Variants in ZNF891 observed in about 807,000 individuals in gnomAD.
The protein encoded by ZNF891 is hCG1646157.
For missense variants in ZNF891, 589 were observed against 632.7 expected (o/e 0.93, Z 0.74); for synonymous variants, 199 against 209.0 (o/e 0.95, Z 0.41).
intron 1 of ZNF891, among the ~76,000 whole-genome samples, chr12:133,123,759 C>G (rs61207468): frequency 0.12 from 17,717 of 148,016 alleles, 2,253 homozygotes; most frequent in African/African-American, 0.33. Flanking sequence ...ACAACAACAA[C>G]AAAGTTAGGC....
chr12:133,129,100 G>A (rs551868057), intron 1 of ZNF891, among the ~76,000 whole-genome samples: 2 of 152,198 alleles, frequency 1.3e-5, no homozygotes, highest in South Asian at 2.1e-4. Context: ...AATAGCATGG[G>A]CAATTTTATG....
chr12:133,122,887 G>C (rs1238348304), intron 1 of ZNF891, among the ~76,000 whole-genome samples: 1 of 152,170 alleles, frequency 6.6e-6, no homozygotes, highest in Non-Finnish European at 1.5e-5. Context: ...GTTTAGGAGT[G>C]AGGCACTAAC....
At chr12:133,122,205 A>G in intron 1 of ZNF891, 181 bp from the exon 2 acceptor site, 1 of 1,084,052 alleles carries the variant, frequency 9.2e-7, no homozygotes, top group Non-Finnish European at 1.1e-6. Context: ...CCACTTCAAG[A>G]AATGCCATCC....
chr12:133,105,503 CTTTCAG>C lies in ZNF891; in HGVS notation c.*14775_*14780del. 19 of 1,563,798 alleles carry C rather than the reference CTTTCAG, an allele frequency of 1.2e-5. No homozygotes were observed. The highest frequency in any genetic ancestry group is 1.6e-5 in the Non-Finnish European group (19 of 1,159,216). ...GAAACATTCACTTTTTTTTTGGTAT[CTTTCAG>C]TTTCAGAGTCAAGTGGTGAGATCAA... On this transcript the variant is annotated 3_prime_UTR_variant, in exon 2 of 2. Coordinates refer to ENST00000537226, the MANE Select transcript of ZNF891 (RefSeq NM_001277291.2).
intron 1 of ZNF891, among the ~76,000 whole-genome samples, chr12:133,127,914 C>T (rs1955832532): frequency 6.6e-6 from 1 of 152,034 alleles, no homozygotes; most frequent in African/African-American, 2.4e-5. Context: ...AAAAGGCAGT[C>T]ATTAAAAACA....
Position 133,116,568 on chromosome 12 carries a change from A to G in ZNF891, c.*3716T>C, listed in dbSNP as rs754429859. ...CATCATCTTCTTACAGACTGCTGGG[A>G]TTTAACCTATACTCCCTCTAAATTT... On this transcript the variant is annotated 3_prime_UTR_variant, in exon 2 of 2. Coordinates refer to ENST00000537226, the MANE Select transcript of ZNF891 (RefSeq NM_001277291.2). 7 of 152,114 alleles carry G rather than the reference A, an allele frequency of 4.6e-5. No homozygotes were observed. The highest frequency in any genetic ancestry group is 1.0e-4 in the Non-Finnish European group (7 of 68,018). 9.4% of individuals were successfully genotyped at this position (152,114 alleles called of 1,614,324 possible). A position where few individuals can be genotyped will look rare whatever the true frequency, so the allele number is the denominator to read the frequency against.
At position 133,120,309 on chromosome 12, in the gene ZNF891, A is replaced by G. The variant is rs1223871525; in HGVS notation, c.1610T>C (p.Ile537Thr). ...TTACAGGGTTTCTCTCTCAGTATGAATTCTCTTGTGTATAATAAGTGAAGA... is the reference window on the plus strand; with the variant it reads ...TTACAGGGTTTCTCTCTCAGTATGAGTTCTCTTGTGTATAATAAGTGAAGA... ...QSSSLIIHKR[I>T]HTERETL is the part of the protein sequence containing the mutation. Residue 537 changes from isoleucine to threonine, a missense_variant, in exon 2 of 2, where the codon ATT becomes ACT. Physicochemically the swap from Ile to Thr is moderately conservative, Grantham distance 89. Coordinates refer to ENST00000537226, the MANE Select transcript of ZNF891 (RefSeq NM_001277291.2). 6.5e-7 allele frequency: 1 copy of G among 1,544,664 alleles called. No homozygotes were observed. The highest frequency in any genetic ancestry group is 1.4e-5 in the African/African-American group (1 of 73,022).
At chr12:133,129,445 G>A (rs1224791500) in intron 1 of ZNF891, among the ~76,000 whole-genome samples, 11 of 148,740 alleles carry the variant, frequency 7.4e-5, no homozygotes, top group Non-Finnish European at 1.5e-5. Flanking sequence ...AGGTTGCTGT[G>A]AGCCAAGATG....
chr12:133,106,028 G>A lies in ZNF891; in HGVS notation c.*14256C>T. The A allele has an allele frequency of 6.2e-7, 1 of 1,614,094 alleles. No individual in the cohort carries two copies. Among genetic ancestry groups the A allele is most frequent in the East Asian group, 2.2e-5 (1 of 44,884 alleles). ...GAAACCTTATGAATGTACTGAGTGT[G>A]GAAAGGCCTTTAGCCGTGCCTCCAA... is the stretch of plus-strand genomic sequence containing the variant. On this transcript the variant is annotated 3_prime_UTR_variant, in exon 2 of 2. Transcript: ENST00000537226.
chr12:133,115,148 A>C lies in ZNF891; in HGVS notation c.*5136T>G, dbSNP rs1566333049. ...GGGCGATGGCCTCACAATCCCAACA[A>C]TTTGGGAGGCTGAGGCAGGCGGATC... is the stretch of plus-strand genomic sequence containing the variant. On this transcript the variant is annotated 3_prime_UTR_variant, in exon 2 of 2. Coordinates refer to ENST00000537226, the MANE Select transcript of ZNF891 (RefSeq NM_001277291.2). 6.6e-6 allele frequency: 1 copy of C among 152,114 alleles called. No individual in the cohort carries two copies. The highest frequency in any genetic ancestry group is 2.4e-5 in the African/African-American group (1 of 41,422). The allele number at this position is 152,114 out of a possible 1,614,324, so 9.4% of individuals were successfully genotyped here.
chr12:133,120,753 GT>G lies in ZNF891; in HGVS notation c.1165del (p.Thr389HisfsTer7). On this transcript the variant is annotated frameshift_variant, in exon 2 of 2. Coordinates refer to ENST00000537226, the MANE Select transcript of ZNF891 (RefSeq NM_001277291.2). LOFTEE classifies it low-confidence loss of function (END_TRUNC). ...NQCGKAFSQK[T>X]SLKAHMRTHT... is the part of the protein sequence containing the mutation. ...AGTTCTCATGTGAGCCTTAAGGGAT[GT>G]TTTTTGACTGAAAGCTTTTCCACAT... 1 of 1,568,134 alleles carries G rather than the reference GT, an allele frequency of 6.4e-7. No homozygotes were observed. The highest frequency in any genetic ancestry group is 1.9e-5 in the Admixed American group (1 of 52,970).
intron 1 of ZNF891, among the ~76,000 whole-genome samples, chr12:133,125,242 C>T (rs1341871259): frequency 4.6e-5 from 7 of 152,158 alleles, no homozygotes; most frequent in Non-Finnish European, 1.0e-4. Flanking sequence ...TTAAGTGATC[C>T]TCCACCTTAG....
Position 133,121,371 on chromosome 12 carries a change from ACT to A in ZNF891, c.546_547del (p.Val183ThrfsTer7). 1 of 1,536,086 alleles carries A rather than the reference ACT, an allele frequency of 6.5e-7. No individual in the cohort carries two copies. Among genetic ancestry groups the A allele is most frequent in the South Asian group, 1.2e-5 (1 of 84,068 alleles). On this transcript the variant is annotated frameshift_variant, in exon 2 of 2. Coordinates refer to ENST00000537226, the MANE Select transcript of ZNF891 (RefSeq NM_001277291.2). LOFTEE classifies it low-confidence loss of function (END_TRUNC). Reference sequence around the variant, plus strand: ...ATAGTCACGGAATAGCTCCTGAGGTACTGTTTTCTTTGGGGCATATATCATTT... The same window carrying A: ...ATAGTCACGGAATAGCTCCTGAGGTAGTTTTCTTTGGGGCATATATCATTT...
rs761496710 is a variant in ZNF891 at position 133,106,463 on chromosome 12, C to T, written c.*13821G>A. 33 of 1,613,672 alleles carry T rather than the reference C, an allele frequency of 2.0e-5. No homozygotes were observed. The highest frequency in any genetic ancestry group is 4.4e-5 in the South Asian group (4 of 91,072). On this transcript the variant is annotated 3_prime_UTR_variant, in exon 2 of 2. Transcript: ENST00000537226. ...TGCTGAATGTGATAAAGCCTTCAGCCGGAGCTTTTCCCTCATTCTACATCA... is the reference window on the plus strand; with the variant it reads ...TGCTGAATGTGATAAAGCCTTCAGCTGGAGCTTTTCCCTCATTCTACATCA...
At chr12:133,126,418 G>A (rs1338539203) in intron 1 of ZNF891, among the ~76,000 whole-genome samples, 1 of 146,416 alleles carries the variant, frequency 6.8e-6, no homozygotes, top group Non-Finnish European at 1.5e-5. Flanking sequence ...AGCTTGCAGT[G>A]AGCCGAGGTC....
chr12:133,126,656 C>CAA lies in ZNF891; in HGVS notation c.-107+3569_-107+3570dup, dbSNP rs36042670. Among the ~76,000 whole-genome samples the CAA allele has an allele frequency of 3.4e-3, 424 of 124,024 alleles. 2 individuals carry two copies. The highest frequency in any genetic ancestry group is 5.1e-3 in the African/African-American group (175 of 34,038). 81.4% of individuals were successfully genotyped at this position (124,024 alleles called of 152,430 possible). ...TGAAACCCCGTCTCAAATAAAAATA[C>CAA]AAAAAAAAAAAAAAGCTAGATGTGT... On this transcript the variant is annotated intron_variant, in intron 1 of 1. Transcript: ENST00000537226.
At position 133,106,011 on chromosome 12, in the gene ZNF891, A is replaced by G. The variant is rs774261530; in HGVS notation, c.*14273T>C. On this transcript the variant is annotated 3_prime_UTR_variant, in exon 2 of 2. Coordinates refer to ENST00000537226, the MANE Select transcript of ZNF891 (RefSeq NM_001277291.2). ...AGAACGCACACTGGGGAGAAACCTT[A>G]TGAATGTACTGAGTGTGGAAAGGCC... The G allele has an allele frequency of 6.2e-7, 1 of 1,614,182 alleles. No individual in the cohort carries two copies. The highest frequency in any genetic ancestry group is 8.5e-7 in the Non-Finnish European group (1 of 1,180,040).
chr12:133,104,838 A>G lies in ZNF891; in HGVS notation c.*15446T>C, dbSNP rs1367333257. On this transcript the variant is annotated 3_prime_UTR_variant, in exon 2 of 2. Transcript: ENST00000537226. ...TTTCATTTTAGGTTAAAGGTTACTC[A>G]TGTTACATGAGCAAATTGTGTGTCA... Among the ~76,000 whole-genome samples the G allele has an allele frequency of 3.9e-5, 6 of 152,172 alleles. No individual in the cohort carries two copies. Among genetic ancestry groups the G allele is most frequent in the Admixed American group, 1.3e-4 (2 of 15,272 alleles).
rs187535731 is a variant in ZNF891 at position 133,121,353 on chromosome 12, C to T, written c.566G>A (p.Arg189His). Residue 189 changes from arginine to histidine, a missense_variant, in exon 2 of 2, where the codon CGT (arginine) becomes CAT (histidine). Arg to His is a conservative substitution (Grantham distance 29, BLOSUM62 0). Coordinates refer to ENST00000537226, the MANE Select transcript of ZNF891 (RefSeq NM_001277291.2). ...GTTTTCCTCTAATTCATGATAGTCA[C>T]GGAATAGCTCCTGAGGTACTGTTTT... ...PKKTVPQELF[R>H]DYHELEENSK... 2.5e-4 allele frequency: 386 copies of T among 1,536,060 alleles called. No homozygotes were observed. The highest frequency in any genetic ancestry group is 1.7e-3 in the Admixed American group (88 of 51,002).
Sources: gnomAD v4.1 joint callset for allele counts (sites outside exome capture counted in the v4.1 genomes callset) on GRCh38, gnomAD v4.1.1 for gene constraint, MANE v1.5 for transcripts, NCBI Gene and HGNC (gene_info 2026-07-23, HGNC 2026-07-21) for gene names.